Variants in ST3GAL1 observed in about 807,000 individuals in gnomAD.
ST3GAL1 encodes CMP-N-acetylneuraminate-beta-galactosamide-alpha-2,3-sialyltransferase 1.
In ST3GAL1, 16 loss-of-function variants were observed where a neutral mutation model predicts 34.1. That is an observed-to-expected ratio of 0.47 (90% CI 0.32 to 0.71). ST3GAL1 has a LOEUF of 0.71. ST3GAL1 is among the 30% of genes least tolerant of loss of function. The pLI, the probability that ST3GAL1 is intolerant of heterozygous loss-of-function variation, is 0.04. For missense variants in ST3GAL1, 353 were observed against 447.4 expected (o/e 0.79, Z 1.90); for synonymous variants, 191 against 184.7 (o/e 1.03, Z -0.28).
At chr8:133,484,886 C>G (rs1259558290) in intron 3 of ST3GAL1, among the ~76,000 whole-genome samples, 3 of 152,314 alleles carry the variant, frequency 2.0e-5, no homozygotes, top group South Asian at 4.1e-4. Context: ...GTCCTTAACC[C>G]TCCCTGCTCC....
intron 3 of ST3GAL1, among the ~76,000 whole-genome samples, chr8:133,487,322 C>A (rs1816645426): frequency 7.0e-6 from 1 of 143,854 alleles, no homozygotes; most frequent in South Asian, 2.4e-4. Flanking sequence ...GTGCTTAGAA[C>A]AATTCCTGAC....
At chr8:133,503,387 A>G (rs1445842225) in intron 2 of ST3GAL1, among the ~76,000 whole-genome samples, 2 of 152,160 alleles carry the variant, frequency 1.3e-5, no homozygotes, top group Non-Finnish European at 2.9e-5. Context: ...AACAGGGATA[A>G]TAAGCATCCT....
At chr8:133,495,131 G>C (rs1816906486) in intron 3 of ST3GAL1, among the ~76,000 whole-genome samples, 1 of 151,950 alleles carries the variant, frequency 6.6e-6, no homozygotes, top group Non-Finnish European at 1.5e-5. Context: ...TATTAGCCAG[G>C]ATGGTCTCCA....
intron 7 of ST3GAL1, 117 bp from the exon 8 acceptor site, chr8:133,463,576 C>T (rs1405280585): frequency 8.8e-7 from 1 of 1,138,300 alleles, no homozygotes; most frequent in Admixed American, 2.0e-5. Context: ...CTCCTGCCCC[C>T]CATAGCTTCC....
intron 6 of ST3GAL1, 100 bp from the exon 7 acceptor site, chr8:133,465,057 G>A (rs1455213906): frequency 2.4e-6 from 3 of 1,236,076 alleles, no homozygotes; most frequent in Non-Finnish European, 3.4e-6. Context: ...TGACTTCAGG[G>A]GTGTCACCTG....
chr8:133,514,799 A>G (rs992057702), intron 2 of ST3GAL1, among the ~76,000 whole-genome samples: 3 of 152,056 alleles, frequency 2.0e-5, no homozygotes, highest in Admixed American at 6.5e-5. Flanking sequence ...AAGACCCTCG[A>G]GATCTCCTGG....
At chr8:133,488,138 T>C (rs1360195528) in intron 3 of ST3GAL1, 2 of 152,000 alleles carry the variant, frequency 1.3e-5, no homozygotes. Context: ...TCATCCCAGC[T>C]ATGTGGAGGC....
intron 2 of ST3GAL1, among the ~76,000 whole-genome samples, chr8:133,529,945 G>A (rs983853780): frequency 6.6e-6 from 1 of 151,738 alleles, no homozygotes. Context: ...CTCCTTTCTA[G>A]CACCTGTTCT....
At chr8:133,481,283 C>T (rs1042919749) in intron 3 of ST3GAL1, among the ~76,000 whole-genome samples, 2 of 152,188 alleles carry the variant, frequency 1.3e-5, no homozygotes, top group African/African-American at 4.8e-5. Flanking sequence ...CTGTGTTTCA[C>T]TTTTCATGAA....
At chr8:133,492,454 C>T (rs1816813737) in intron 3 of ST3GAL1, among the ~76,000 whole-genome samples, 1 of 152,200 alleles carries the variant, frequency 6.6e-6, no homozygotes, top group Admixed American at 6.5e-5. Context: ...GGCGTGGTGG[C>T]TCAAGCCTGT....
intron 1 of ST3GAL1, among the ~76,000 whole-genome samples, chr8:133,550,866 A>G (rs1024315514): frequency 6.6e-6 from 1 of 152,178 alleles, no homozygotes; most frequent in Non-Finnish European, 1.5e-5. Context: ...ACAATATAAT[A>G]CAATAACTCT....
chr8:133,562,493 C>A (rs534304197), intron 1 of ST3GAL1, among the ~76,000 whole-genome samples: 1 of 152,272 alleles, frequency 6.6e-6, no homozygotes, highest in South Asian at 2.1e-4. Flanking sequence ...CAGGTATGAG[C>A]CACAGGGCCT....
At chr8:133,487,477 T>C (rs1816651868) in intron 3 of ST3GAL1, among the ~76,000 whole-genome samples, 1 of 152,190 alleles carries the variant, frequency 6.6e-6, no homozygotes, top group Non-Finnish European at 1.5e-5. Flanking sequence ...AGAAATGGCA[T>C]GTGTGAGTTT....
At chr8:133,544,660 C>G (rs1176245390) in intron 2 of ST3GAL1, among the ~76,000 whole-genome samples, 1 of 152,160 alleles carries the variant, frequency 6.6e-6, no homozygotes, top group Non-Finnish European at 1.5e-5. Flanking sequence ...CCTGTGACAC[C>G]AGAAGGGCTC....
intron 1 of ST3GAL1, among the ~76,000 whole-genome samples, chr8:133,564,889 CACTT>C (rs1819345672): frequency 6.6e-6 from 1 of 152,218 alleles, no homozygotes; most frequent in Middle Eastern, 3.2e-3. Context: ...CAAACCTTAA[CACTT>C]AAACTATTCT....
chr8:133,491,871 C>T (rs563582350), intron 3 of ST3GAL1, among the ~76,000 whole-genome samples: 4 of 152,304 alleles, frequency 2.6e-5, no homozygotes, highest in African/African-American at 7.2e-5. Context: ...GGCTCAGCCC[C>T]ACCCCCATAC....
intron 2 of ST3GAL1, among the ~76,000 whole-genome samples, chr8:133,503,168 A>T (rs894906621): frequency 2.0e-5 from 3 of 152,222 alleles, no homozygotes; most frequent in Non-Finnish European, 4.4e-5. Context: ...GTTGCAAGTC[A>T]CTGAGCTTGG....
chr8:133,504,239 C>T (rs1224761959), intron 2 of ST3GAL1, among the ~76,000 whole-genome samples: 1 of 152,230 alleles, frequency 6.6e-6, no homozygotes, highest in Non-Finnish European at 1.5e-5. Context: ...AGCCTCAGAA[C>T]TTGGACTAGA....
At chr8:133,509,173 T>G (rs999493995) in intron 2 of ST3GAL1, among the ~76,000 whole-genome samples, 1 of 152,346 alleles carries the variant, frequency 6.6e-6, no homozygotes, top group African/African-American at 2.4e-5. Flanking sequence ...ATTAAAATAA[T>G]TAGCTAATTA....
Sources: allele counts gnomAD v4.1 joint callset (sites outside exome capture counted in the v4.1 genomes callset), GRCh38; gene constraint gnomAD v4.1.1; transcripts MANE v1.5; gene names NCBI Gene and HGNC (gene_info 2026-07-23, HGNC 2026-07-21).